PPP4R3A: variants seen among roughly 807,000 people sequenced by gnomAD.
PPP4R3A encodes the protein protein phosphatase 4 regulatory subunit 3A, also known as serine/threonine-protein phosphatase 4 regulatory subunit 3A.
PPP4R3A carries 15 observed loss-of-function variants against 91.7 expected under a neutral mutation model. The ratio of observed to expected loss-of-function variants is 0.16; its 90% CI spans 0.11 to 0.25. The LOEUF (loss-of-function observed/expected upper bound fraction) is 0.25. Ranked by LOEUF, PPP4R3A falls within the 10% of genes least tolerant of loss-of-function variation. The pLI is 1.00. For missense variants in PPP4R3A, 623 were observed against 998.4 expected (o/e 0.62, Z 5.07); for synonymous variants, 377 against 348.7 (o/e 1.08, Z -0.91).
intron 14 of PPP4R3A, 108 bp downstream of exon 14, chr14:91,461,273 G>A: frequency 4.1e-6 from 4 of 977,672 alleles, no homozygotes; most frequent in Non-Finnish European, 1.6e-6. Context: ...GTTCAGGGAT[G>A]TTAAATCAGT....
chr14:91,463,905 TCTC>T (rs1399204894), intron 11 of PPP4R3A, among the ~76,000 whole-genome samples: 2 of 152,130 alleles, frequency 1.3e-5, no homozygotes, highest in Non-Finnish European at 2.9e-5. Context: ...ATCCCCACCT[TCTC>T]CTACTCTCTA....
chr14:91,466,198 AAATGG>A, intron 10 of PPP4R3A: 1 of 982,400 alleles, frequency 1.0e-6, no homozygotes, highest in Non-Finnish European at 1.2e-6. Flanking sequence ...CTCTTTACCT[AAATGG>A]AATTATCAGT....
Position 91,481,576 on chromosome 14 carries a change from C to T in PPP4R3A, c.915G>A (p.Gln305=). 1 of 1,548,320 alleles carries T rather than the reference C, an allele frequency of 6.5e-7. No homozygotes were observed. Among genetic ancestry groups the T allele is most frequent in the Non-Finnish European group, 8.7e-7 (1 of 1,152,648 alleles). The stretch of plus-strand genomic sequence containing the variant: ...TGAAAAAAGGAATGATCTAACTCAC[C>T]TGCAACATGCCAACAATCTCTACCT... The part of the protein sequence containing the change: ...FNKVEIVGML[Q]EDEKFLTDLF... Residue 305 remains glutamine, a splice_region_variant and synonymous_variant, in exon 4 of 15, where the codon CAG becomes CAA. Coordinates refer to ENST00000554943, the MANE Select transcript of PPP4R3A (RefSeq NM_001366432.2).
chr14:91,501,007 G>A (rs1176661299), intron 1 of PPP4R3A, among the ~76,000 whole-genome samples: 1 of 152,084 alleles, frequency 6.6e-6, no homozygotes, highest in Non-Finnish European at 1.5e-5. Context: ...GCTCCAGCCT[G>A]GGTGAAAGAC....
chr14:91,470,576 C>T (rs1888772639), intron 10 of PPP4R3A, among the ~76,000 whole-genome samples: 1 of 152,106 alleles, frequency 6.6e-6, no homozygotes, highest in Admixed American at 6.6e-5. Flanking sequence ...ATAAAATATC[C>T]AAGGTAAAAT....
intron 10 of PPP4R3A, among the ~76,000 whole-genome samples, chr14:91,469,143 C>G (rs1888684843): frequency 1.4e-5 from 2 of 142,170 alleles, no homozygotes; most frequent in Admixed American, 7.1e-5. Context: ...AAAATCAGAC[C>G]TTGGTGTTGA....
intron 2 of PPP4R3A, 108 bp downstream of exon 2, chr14:91,490,639 A>C: frequency 1.2e-6 from 1 of 807,844 alleles, no homozygotes; most frequent in East Asian, 3.0e-5. Flanking sequence ...TTTCACTGCC[A>C]AACTGTTGTA....
chr14:91,498,377 T>A (rs1020859412), intron 1 of PPP4R3A, among the ~76,000 whole-genome samples: 4 of 152,214 alleles, frequency 2.6e-5, no homozygotes, highest in African/African-American at 9.7e-5. Flanking sequence ...ACTCTTATTT[T>A]AGAAAAGTTA....
At chr14:91,482,898 T>C (rs1189470549) in intron 3 of PPP4R3A, among the ~76,000 whole-genome samples, 1 of 152,024 alleles carries the variant, frequency 6.6e-6, no homozygotes, top group Non-Finnish European at 1.5e-5. Flanking sequence ...ATAAAGTAAA[T>C]ACAACCTATA....
At chr14:91,507,520 AC>A (rs1312963796) in intron 1 of PPP4R3A, among the ~76,000 whole-genome samples, 9 of 139,684 alleles carry the variant, frequency 6.4e-5, no homozygotes, top group African/African-American at 2.5e-4. Context: ...AATTATATAT[AC>A]TATAGTTATA....
intron 1 of PPP4R3A, among the ~76,000 whole-genome samples, chr14:91,498,259 T>C (rs1232171312): frequency 2.6e-5 from 4 of 151,764 alleles, no homozygotes; most frequent in African/African-American, 9.7e-5. Context: ...TGCTTGAACC[T>C]GGGAGGCAGA....
chr14:91,465,204 C>T (rs1332608423), intron 11 of PPP4R3A, 46 bp downstream of exon 11: 12 of 1,388,236 alleles, frequency 8.6e-6, no homozygotes, highest in East Asian at 5.1e-5. Context: ...ATTCAATTTT[C>T]TCAAACAATT....
intron 4 of PPP4R3A, among the ~76,000 whole-genome samples, chr14:91,479,145 G>C (rs1889385668): frequency 6.6e-6 from 1 of 152,024 alleles, no homozygotes; most frequent in African/African-American, 2.4e-5. Flanking sequence ...ATCACGCCTG[G>C]CTAATTTTTG....
chr14:91,489,115 G>A (rs1595075731), intron 2 of PPP4R3A, among the ~76,000 whole-genome samples: 5 of 152,064 alleles, frequency 3.3e-5, no homozygotes, highest in Admixed American at 3.3e-4. Context: ...CACCGTGTTA[G>A]CCAGGATGGT....
Position 91,475,888 on chromosome 14 carries a change from G to A in PPP4R3A, c.1189C>T (p.Arg397Ter). ...YLVEYNPSMV[R>*]EFVMQEAQQN... The stretch of plus-strand genomic sequence containing the variant: ...TGTGCCTCCTGCATGACAAACTCTC[G>A]TACCATGGATGGATTATATTCAACC... Residue 397 changes from arginine to a stop codon, truncating the protein, a stop_gained, in exon 7 of 15, where the codon CGA becomes TGA. Transcript: ENST00000554943. LOFTEE classifies it high-confidence loss of function. The A allele has an allele frequency of 6.2e-7, 1 of 1,613,422 alleles. No homozygotes were observed. The highest frequency in any genetic ancestry group is 8.5e-7 in the Non-Finnish European group (1 of 1,179,844).
intron 4 of PPP4R3A, among the ~76,000 whole-genome samples, chr14:91,478,501 A>G (rs1034626399): frequency 6.6e-5 from 10 of 152,260 alleles, no homozygotes; most frequent in Non-Finnish European, 1.5e-4. Context: ...CACTTTGGAT[A>G]GAAGTGTCCA....
intron 1 of PPP4R3A, among the ~76,000 whole-genome samples, chr14:91,498,377 T>C (rs1020859412): frequency 6.6e-6 from 1 of 152,214 alleles, no homozygotes; most frequent in South Asian, 2.1e-4. Context: ...ACTCTTATTT[T>C]AGAAAAGTTA....
At chr14:91,507,253 G>A (rs1441251894) in intron 1 of PPP4R3A, among the ~76,000 whole-genome samples, 1 of 150,534 alleles carries the variant, frequency 6.6e-6, no homozygotes, top group Non-Finnish European at 1.5e-5. Context: ...CTCAGGAGAT[G>A]GAGGTTGCAG....
chr14:91,459,749 C>A (rs1276951392), intron 14 of PPP4R3A, among the ~76,000 whole-genome samples: 1 of 151,546 alleles, frequency 6.6e-6, no homozygotes, highest in African/African-American at 2.4e-5. Context: ...GCACAAGAAT[C>A]GCTTTAATCT....
Sources: gnomAD v4.1 joint callset for allele counts (sites outside exome capture counted in the v4.1 genomes callset) on GRCh38, gnomAD v4.1.1 for gene constraint, MANE v1.5 for transcripts, NCBI Gene and HGNC (gene_info 2026-07-23, HGNC 2026-07-21) for gene names.